Variants in MTHFS observed in about 807,000 individuals in gnomAD.
The protein encoded by MTHFS is 5-formyltetrahydrofolate cyclo-ligase.
A neutral mutation model predicts 12.7 loss-of-function variants in MTHFS; 7 were observed. That is an observed-to-expected ratio of 0.55 (90% CI 0.31 to 1.03). The LOEUF (loss-of-function observed/expected upper bound fraction) is 1.03. MTHFS is among the 50% of genes least tolerant of loss of function. The pLI, the probability that MTHFS is intolerant of heterozygous loss-of-function variation, is 0.05. For synonymous variants in MTHFS, 100 were observed against 97.1 expected (o/e 1.03, Z -0.18); for missense variants, 252 against 258.1 (o/e 0.98, Z 0.16).
chr15:79,893,655 G>A (rs1362012345), intron 1 of MTHFS, among the ~76,000 whole-genome samples: 6 of 147,090 alleles, frequency 4.1e-5, no homozygotes, highest in South Asian at 4.2e-4. Flanking sequence ...CCGAGATCAC[G>A]CCACTGCATA....
At chr15:79,868,950 C>T (rs1191330746) in intron 2 of MTHFS, among the ~76,000 whole-genome samples, 1 of 151,966 alleles carries the variant, frequency 6.6e-6, no homozygotes, top group Non-Finnish European at 1.5e-5. Flanking sequence ...TGACTATACA[C>T]TAGGTGCATT....
intron 1 of MTHFS, among the ~76,000 whole-genome samples, chr15:79,891,829 G>T (rs55664603): frequency 2.6e-5 from 4 of 151,920 alleles, no homozygotes; most frequent in Admixed American, 6.5e-5. Flanking sequence ...TTAGCCAGGC[G>T]TGGTGGCACA....
Position 79,845,327 on chromosome 15 carries a change from T to C in MTHFS, c.495A>G (p.Glu165=), listed in dbSNP as rs746697681. The change falls in exon 3 of 3, where the codon GAA becomes GAG. Residue 165 remains glutamate, a synonymous_variant. Coordinates refer to ENST00000258874, the MANE Select transcript of MTHFS (RefSeq NM_006441.4). The part of the protein sequence containing the change: ...AYLKRCLQHQ[E]VKPYTLALAF... The stretch of plus-strand genomic sequence containing the variant: ...CCAACGCCAGGGTGTAGGGCTTCAC[T>C]TCCTGATGCTGCAAACAGCGCTTCA... The C allele has an allele frequency of 1.9e-6, 3 of 1,614,032 alleles. No individual in the cohort carries two copies. The highest frequency in any genetic ancestry group is 2.5e-6 in the Non-Finnish European group (3 of 1,180,032).
Position 79,882,079 on chromosome 15 carries a change from T to G in MTHFS, c.379+7014A>C, listed in dbSNP as rs114320781. Among the ~76,000 whole-genome samples, 1,151 of 152,344 alleles carry G rather than the reference T, an allele frequency of 7.6e-3. 12 individuals carry two copies. Among genetic ancestry groups the G allele is most frequent in the African/African-American group, 0.026 (1,099 of 41,576 alleles). ...AAAATTACAATTGCTTTCATTTACT[T>G]TTAGTCATAACTTATTTCAAAAGTT... On this transcript the variant is annotated intron_variant, in intron 2 of 2. Coordinates refer to ENST00000258874, the MANE Select transcript of MTHFS (RefSeq NM_006441.4).
chr15:79,871,768 AAAG>A (rs1213140816), intron 2 of MTHFS, among the ~76,000 whole-genome samples: 1 of 152,186 alleles, frequency 6.6e-6, no homozygotes, highest in Non-Finnish European at 1.5e-5. Context: ...AACAAAAAGA[AAAG>A]AAGAAAATTA....
rs767432688 is a variant in MTHFS at position 79,896,983 on chromosome 15, C to T, written c.6G>A (p.Ala2=). M[A]AAAVSSAKRS... ...GCTTGGCGCTGCTCACCGCTGCCGC[C>T]GCCATCTCACGCCCAAGCCGAGTCC... is the stretch of plus-strand genomic sequence containing the variant. The change falls in exon 1 of 3, where the codon GCG becomes GCA. Residue 2 remains alanine, a synonymous_variant. Coordinates refer to ENST00000258874, the MANE Select transcript of MTHFS (RefSeq NM_006441.4). 1 of 1,528,720 alleles carries T rather than the reference C, an allele frequency of 6.5e-7. No homozygotes were observed. The highest frequency in any genetic ancestry group is 1.2e-5 in the South Asian group (1 of 83,274). 94.7% of individuals were successfully genotyped at this position (1,528,720 alleles called of 1,614,324 possible). A position where few individuals can be genotyped will look rare whatever the true frequency, so the allele number is the denominator to read the frequency against.
At chr15:79,849,927 A>T (rs916145291) in intron 2 of MTHFS, among the ~76,000 whole-genome samples, 1 of 152,230 alleles carries the variant, frequency 6.6e-6, no homozygotes, top group African/African-American at 2.4e-5. Context: ...GCTCAAAAAC[A>T]TCTTCCGTCT....
intron 1 of MTHFS, among the ~76,000 whole-genome samples, chr15:79,895,338 G>A (rs2034549771): frequency 6.6e-6 from 1 of 152,144 alleles, no homozygotes; most frequent in South Asian, 2.1e-4. Context: ...CCAATAGAAA[G>A]CTTTCCAATT....
At chr15:79,860,720 A>G (rs939754038) in intron 2 of MTHFS, among the ~76,000 whole-genome samples, 6 of 152,192 alleles carry the variant, frequency 3.9e-5, no homozygotes, top group African/African-American at 1.4e-4. Flanking sequence ...AGAAATACTG[A>G]TAAGACAAAA....
At chr15:79,851,795 C>T (rs781438096) in intron 2 of MTHFS, among the ~76,000 whole-genome samples, 21 of 152,170 alleles carry the variant, frequency 1.4e-4, no homozygotes, top group Non-Finnish European at 2.4e-4. Flanking sequence ...TTCCTATTAC[C>T]AAAAGATACA....
chr15:79,845,411 A>C lies in MTHFS; in HGVS notation c.411T>G (p.Leu137=), dbSNP rs1224493650. The C allele has an allele frequency of 6.8e-6, 11 of 1,614,064 alleles. No homozygotes were observed. The African/African-American group carries it at 1.5e-4, about 22-fold the overall frequency. ...GTCGGTTGCCATGTTTGTCAAACCC[A>C]AGGCCTGGCATGAAGATGAGATCAA... ...GGLDLIFMPG[L]GFDKHGNRLG... The change falls in exon 3 of 3, where the codon CTT becomes CTG. Residue 137 remains leucine, a synonymous_variant. Transcript: ENST00000258874.
At chr15:79,874,665 T>G (rs1444158778) in intron 2 of MTHFS, among the ~76,000 whole-genome samples, 1 of 152,036 alleles carries the variant, frequency 6.6e-6, no homozygotes, top group East Asian at 1.9e-4. Context: ...ACCAAAAAAC[T>G]TAAAAGGAAA....
intron 2 of MTHFS, among the ~76,000 whole-genome samples, chr15:79,882,500 T>C (rs1411817433): frequency 6.6e-6 from 1 of 152,234 alleles, no homozygotes; most frequent in Non-Finnish European, 1.5e-5. Context: ...CTCCATGTAC[T>C]TAGCCTTACA....
intron 2 of MTHFS, among the ~76,000 whole-genome samples, chr15:79,863,268 GCTGTCCCTTGGGACAGC>G (rs538897877): frequency 6.6e-6 from 1 of 152,156 alleles, no homozygotes; most frequent in East Asian, 1.9e-4. Context: ...AGTTTCTTTG[GCTGTCCCTTGGGACAGC>G]CTGTCCTCCT....
chr15:79,892,769 G>A (rs185366551), intron 1 of MTHFS, among the ~76,000 whole-genome samples: 83 of 152,066 alleles, frequency 5.5e-4, no homozygotes, highest in Admixed American at 7.9e-4. Flanking sequence ...TGGCCAACGT[G>A]GTGAAACCCC....
At chr15:79,878,538 A>AT (rs2034239515) in intron 2 of MTHFS, among the ~76,000 whole-genome samples, 1 of 149,276 alleles carries the variant, frequency 6.7e-6, no homozygotes. Context: ...AGCAAGGCTT[A>AT]TTCCATGGCC....
chr15:79,889,455 AT>A, intron 1 of MTHFS, 101 bp from the exon 2 acceptor site: 1 of 1,396,442 alleles, frequency 7.2e-7, no homozygotes, highest in South Asian at 1.4e-5. Context: ...ATTTCTTTAA[AT>A]ATTAAAAAGA....
chr15:79,872,063 C>T (rs1337880916), intron 2 of MTHFS, among the ~76,000 whole-genome samples: 4 of 139,946 alleles, frequency 2.9e-5, no homozygotes, highest in African/African-American at 1.1e-4. Flanking sequence ...TGAGATAACA[C>T]CACTGCACTC....
chr15:79,858,443 A>G (rs946302185), intron 2 of MTHFS, among the ~76,000 whole-genome samples: 2 of 152,228 alleles, frequency 1.3e-5, no homozygotes, highest in African/African-American at 4.8e-5. Context: ...TCTTTTGGAA[A>G]CAAGAACACC....
Sources: gnomAD v4.1 joint callset for allele counts (sites outside exome capture counted in the v4.1 genomes callset) on GRCh38, gnomAD v4.1.1 for gene constraint, MANE v1.5 for transcripts, NCBI Gene and HGNC (gene_info 2026-07-23, HGNC 2026-07-21) for gene names.